HERPUD2: variants seen among roughly 807,000 people sequenced by gnomAD.
HERPUD2 encodes the protein HERPUD family member 2.
Under a neutral mutation model 49.9 loss-of-function variants are expected in HERPUD2, and 13 were observed. That is an observed-to-expected ratio of 0.26 (90% CI 0.17 to 0.41). The LOEUF (loss-of-function observed/expected upper bound fraction) is 0.41, where lower values mean the gene tolerates loss of function less well. Ranked by LOEUF, HERPUD2 falls within the 10% of genes least tolerant of loss-of-function variation. The pLI, the probability that HERPUD2 is intolerant of heterozygous loss-of-function variation, is 1.00. For synonymous variants in HERPUD2, 172 were observed against 171.4 expected, an observed-to-expected ratio of 1.00 and a Z score of -0.03; for missense variants, 449 against 492.2, an observed-to-expected ratio of 0.91 and a Z score of 0.83.
At chr7:35,649,281 T>C (rs969602968) in intron 5 of HERPUD2, among the ~76,000 whole-genome samples, 11 of 152,096 alleles carry the variant, frequency 7.2e-5, no homozygotes, top group South Asian at 4.2e-4. Flanking sequence ...TGTGGATTTA[T>C]ATTTGACCTG....
At chr7:35,691,906 A>T (rs1410627717) in intron 2 of HERPUD2, among the ~76,000 whole-genome samples, 1 of 145,836 alleles carries the variant, frequency 6.9e-6, no homozygotes, top group Non-Finnish European at 1.5e-5. Context: ...AAACTTACTA[A>T]ATCTAGTAAC....
chr7:35,689,334 G>A (rs1394738131), intron 2 of HERPUD2, among the ~76,000 whole-genome samples: 1 of 152,018 alleles, frequency 6.6e-6, no homozygotes, highest in Non-Finnish European at 1.5e-5. Context: ...ATTCCCAGGC[G>A]ACATGAAACC....
rs1289012594 is a variant in HERPUD2 at position 35,672,307 on chromosome 7, T to C, written c.225+894A>G. On this transcript the variant is annotated intron_variant, in intron 3 of 8. Coordinates refer to ENST00000311350, the MANE Select transcript of HERPUD2 (RefSeq NM_022373.5). The stretch of plus-strand genomic sequence containing the variant: ...AGGAAAGAAAGAAAAAAAAACCTGC[T>C]GCAAATTCCACTATTTTTGAGGGAG... Among the ~76,000 whole-genome samples, 12 of 151,358 alleles carry C rather than the reference T, an allele frequency of 7.9e-5. No individual in the cohort carries two copies. The East Asian group carries it at 9.6e-4, about 12-fold the overall frequency.
At chr7:35,677,758 A>C (rs947719856) in intron 2 of HERPUD2, among the ~76,000 whole-genome samples, 1 of 152,214 alleles carries the variant, frequency 6.6e-6, no homozygotes, top group African/African-American at 2.4e-5. Context: ...GAAAAAACTG[A>C]TGATGCAAGA....
At chr7:35,636,106 T>G (rs1201576689) in intron 6 of HERPUD2, among the ~76,000 whole-genome samples, 3 of 152,162 alleles carry the variant, frequency 2.0e-5, no homozygotes, top group African/African-American at 4.8e-5. Context: ...AAAGAATAAA[T>G]TTCCTAGTAA....
intron 2 of HERPUD2, among the ~76,000 whole-genome samples, chr7:35,682,355 GTGTA>G (rs1554317268): frequency 0.3 from 8,985 of 30,134 alleles, 2,387 homozygotes; most frequent in Middle Eastern, 0.5. Flanking sequence ...GTGTGTGTGT[GTGTA>G]TATATATATA....
chr7:35,665,365 G>C (rs1297293655), intron 5 of HERPUD2, among the ~76,000 whole-genome samples: 1 of 152,244 alleles, frequency 6.6e-6, no homozygotes, highest in Non-Finnish European at 1.5e-5. Flanking sequence ...TTTGATCTCA[G>C]ACTGCTGTGC....
At position 35,660,251 on chromosome 7, in the gene HERPUD2, C is replaced by T. The variant is rs538962235; in HGVS notation, c.494+7183G>A. Among the ~76,000 whole-genome samples, 5 of 152,266 alleles carry T rather than the reference C, an allele frequency of 3.3e-5. No homozygotes were observed. The South Asian group carries it at 6.2e-4, about 19-fold the overall frequency. On this transcript the variant is annotated intron_variant, in intron 5 of 8. Coordinates refer to ENST00000311350, the MANE Select transcript of HERPUD2 (RefSeq NM_022373.5). ...CATAGTATTCCATGGTGTATATGTG[C>T]CACATTTTCTTAATCCAGTCTATCA... is the stretch of plus-strand genomic sequence containing the variant.
intron 5 of HERPUD2, among the ~76,000 whole-genome samples, chr7:35,659,553 T>C (rs10224743): frequency 9.3e-4 from 141 of 152,158 alleles, no homozygotes; most frequent in African/African-American, 3.3e-3. Context: ...TTAAACCACA[T>C]AGAAATCCTG....
At chr7:35,672,151 T>C (rs1334125549) in intron 3 of HERPUD2, among the ~76,000 whole-genome samples, 1 of 151,866 alleles carries the variant, frequency 6.6e-6, no homozygotes, top group South Asian at 2.1e-4. Flanking sequence ...ACTACTTTGG[T>C]GTGGGATGCT....
chr7:35,673,387 T>G, intron 2 of HERPUD2, 109 bp from the exon 3 acceptor site: 1 of 756,384 alleles, frequency 1.3e-6, no homozygotes, highest in Non-Finnish European at 2.2e-6. Flanking sequence ...TAGGCACAAG[T>G]AAGCAGAAAA....
chr7:35,679,954 C>T (rs1253245010), intron 2 of HERPUD2, among the ~76,000 whole-genome samples: 1 of 152,172 alleles, frequency 6.6e-6, no homozygotes, highest in African/African-American at 2.4e-5. Flanking sequence ...ATCCTATAGA[C>T]TCTATCTCCA....
intron 2 of HERPUD2, among the ~76,000 whole-genome samples, chr7:35,684,532 A>G (rs1289141063): frequency 6.6e-6 from 1 of 152,198 alleles, no homozygotes; most frequent in Non-Finnish European, 1.5e-5. Flanking sequence ...ATATATATAT[A>G]TATATACATA....
intron 5 of HERPUD2, among the ~76,000 whole-genome samples, chr7:35,652,537 C>T (rs1785188455): frequency 6.6e-6 from 1 of 150,884 alleles, no homozygotes; most frequent in Non-Finnish European, 1.5e-5. Flanking sequence ...AGAAACCTTA[C>T]AGGCCAGGAG....
At chr7:35,682,355 GTGTATATATATATATATATATA>G (rs1448128556) in intron 2 of HERPUD2, among the ~76,000 whole-genome samples, 1 of 30,376 alleles carries the variant, frequency 3.3e-5, no homozygotes, top group Non-Finnish European at 6.1e-5. Context: ...GTGTGTGTGT[GTGTATATATATATATATATATA>G]TATATATATA....
intron 2 of HERPUD2, among the ~76,000 whole-genome samples, chr7:35,688,547 G>A (rs1339565081): frequency 3.9e-5 from 6 of 152,176 alleles, no homozygotes; most frequent in South Asian, 2.1e-4. Context: ...AGATATGTGC[G>A]CTGCAGTCTT....
chr7:35,686,277 C>T (rs1437957559), intron 2 of HERPUD2, among the ~76,000 whole-genome samples: 1 of 104,388 alleles, frequency 9.6e-6, no homozygotes, highest in Non-Finnish European at 1.9e-5. Flanking sequence ...CAAACTCTGC[C>T]TCCCAGGTTC....
rs149245526 is a variant in HERPUD2, at chr7:35,690,805, G to A, written c.147+3379C>T. 8.0e-3 allele frequency among the ~76,000 whole-genome samples: 1,032 copies of A among 129,512 alleles called. 11 individuals carry two copies. The highest frequency in any genetic ancestry group is 0.026 in the African/African-American group (982 of 37,742). The allele number at this position is 129,512 out of a possible 152,430, so 85.0% of individuals were successfully genotyped here. On this transcript the variant is annotated intron_variant, in intron 2 of 8. Coordinates refer to ENST00000311350, the MANE Select transcript of HERPUD2 (RefSeq NM_022373.5). ...GCCTGGGAAACAAAAGCGAAACTCC[G>A]TCTCAAAAAAAAAAAAGAACGGTAT...
rs1786286141 is a variant in HERPUD2 at position 35,694,888 on chromosome 7, G to A, written c.-385C>T. 1 of 152,770 alleles carries A rather than the reference G, an allele frequency of 6.5e-6. No individual in the cohort carries two copies. Among genetic ancestry groups the A allele is most frequent in the African/African-American group, 2.4e-5 (1 of 41,480 alleles). 9.5% of individuals were successfully genotyped at this position (152,770 alleles called of 1,614,324 possible). A position where few individuals can be genotyped will look rare whatever the true frequency, so the allele number is the denominator to read the frequency against. ...CACCGTCCGGCCAGGCGTTTTCCGT[G>A]GCAGCCGCTCCCTTCCTGCTGCGCG... On this transcript the variant is annotated 5_prime_UTR_variant, in exon 1 of 9. Transcript: ENST00000311350.
Sources: gnomAD v4.1 joint callset for allele counts (sites outside exome capture counted in the v4.1 genomes callset) on GRCh38, gnomAD v4.1.1 for gene constraint, MANE v1.5 for transcripts, NCBI Gene and HGNC (gene_info 2026-07-23, HGNC 2026-07-21) for gene names.